Variants in ANKHD1 observed in about 807,000 individuals in gnomAD.
The protein encoded by ANKHD1 is ankyrin repeat and KH domain containing 1.
ANKHD1 carries 31 observed loss-of-function variants against 230.5 expected under a neutral mutation model. The observed-to-expected ratio is 0.13, with a 90% CI of 0.10 to 0.18. The LOEUF (loss-of-function observed/expected upper bound fraction) is 0.18. Among genes scored for constraint, ANKHD1 ranks in the 10% least tolerant of loss-of-function variants. The pLI, the probability that ANKHD1 is intolerant of heterozygous loss-of-function variation, is 1.00. For synonymous variants in ANKHD1, 1,074 were observed against 1,117.6 expected (o/e 0.96, Z 0.78); for missense variants, 2,256 against 3,071.3 (o/e 0.73, Z 6.27).
intron 1 of ANKHD1, among the ~76,000 whole-genome samples, chr5:140,430,094 C>T (rs548360012): frequency 1.8e-4 from 27 of 152,266 alleles, no homozygotes; most frequent in Middle Eastern, 6.8e-3. Flanking sequence ...AAGCTAAAAA[C>T]CACACTCCCA....
intron 10 of ANKHD1, among the ~76,000 whole-genome samples, chr5:140,471,989 G>A (rs1190731887): frequency 6.6e-6 from 1 of 151,972 alleles, no homozygotes; most frequent in Non-Finnish European, 1.5e-5. Flanking sequence ...AAATAATTCT[G>A]CAGAAATATT....
chr5:140,438,232 T>G (rs956725655), intron 2 of ANKHD1, among the ~76,000 whole-genome samples: 1 of 152,220 alleles, frequency 6.6e-6, no homozygotes, highest in Non-Finnish European at 1.5e-5. Flanking sequence ...ATTAATATTA[T>G]GTGCATTGTA....
intron 11 of ANKHD1, 46 bp downstream of exon 11, chr5:140,482,713 G>GA (rs751651402): frequency 2.8e-4 from 435 of 1,569,840 alleles, no homozygotes; most frequent in Middle Eastern, 1.0e-3. Context: ...ACAGTTTATG[G>GA]AAAAAAAAAT....
At chr5:140,517,941 A>T (rs1333232606) in intron 24 of ANKHD1, among the ~76,000 whole-genome samples, 7 of 151,600 alleles carry the variant, frequency 4.6e-5, no homozygotes, top group Non-Finnish European at 8.8e-5. Flanking sequence ...AACTAAAATC[A>T]GAGCAGAACT....
In ANKHD1 at chr5:140,440,206, A is replaced by G; in HGVS notation, c.705A>G (p.Thr235=). The change falls in exon 4 of 34, where the codon ACA becomes ACG. Residue 235 remains threonine, a synonymous_variant. Transcript: ENST00000360839. ...LDEGRSVNEH[T]EEGESLLCLA... ...AAGGCAGAAGTGTAAATGAACATAC[A>G]GAAGAAGGAGAAAGCCTGCTGTGTT... The G allele has an allele frequency of 1.1e-5, 17 of 1,613,700 alleles. No individual in the cohort carries two copies. Among genetic ancestry groups the G allele is most frequent in the Non-Finnish European group, 1.4e-5 (16 of 1,179,746 alleles).
chr5:140,539,647 A>AT lies in ANKHD1; in HGVS notation c.*229_*230insT, dbSNP rs780371703. On this transcript the variant is annotated 3_prime_UTR_variant, in exon 34 of 34. Coordinates refer to ENST00000360839, the MANE Select transcript of ANKHD1 (RefSeq NM_017747.3). The stretch of plus-strand genomic sequence containing the variant: ...ATATGACCTTAGTGCTTTTGGCTAA[A>AT]CATACAGAATACTACTTGTATGCAG... The AT allele has an allele frequency of 3.4e-4, 151 of 448,528 alleles. No individual in the cohort carries two copies. The highest frequency in any genetic ancestry group is 5.2e-4 in the Non-Finnish European group (133 of 254,564). 27.8% of individuals were successfully genotyped at this position (448,528 alleles called of 1,614,324 possible).
chr5:140,458,423 T>C (rs1210439156), intron 7 of ANKHD1, among the ~76,000 whole-genome samples: 1 of 152,172 alleles, frequency 6.6e-6, no homozygotes, highest in Admixed American at 6.6e-5. Flanking sequence ...TTAAAATAAT[T>C]TGAAAATTAC....
At chr5:140,451,211 A>G (rs1774710031) in intron 7 of ANKHD1, among the ~76,000 whole-genome samples, 1 of 152,182 alleles carries the variant, frequency 6.6e-6, no homozygotes, top group Admixed American at 6.6e-5. Flanking sequence ...AAATTCAAGT[A>G]AAACAATGTA....
chr5:140,527,385 T>A lies in ANKHD1; in HGVS notation c.5087+311T>A. On this transcript the variant is annotated intron_variant, in intron 27 of 33. Transcript: ENST00000360839. The surrounding 1 kb of genome is among the most constrained non-coding windows in gnomAD (Gnocchi z 4.5). ...AGTAATTCTAGAACTAAAGTACTAA[T>A]AATCAACTTTAGATTCAGAATACAT... is the stretch of plus-strand genomic sequence containing the variant. 3.8e-6 allele frequency: 1 copy of A among 264,140 alleles called. No homozygotes were observed. The highest frequency in any genetic ancestry group is 7.2e-6 in the Non-Finnish European group (1 of 138,960). The allele number at this position is 264,140 out of a possible 1,614,324, so 16.4% of individuals were successfully genotyped here.
intron 28 of ANKHD1, 38 bp from the exon 29 acceptor site, chr5:140,528,146 T>C (rs1386815998): frequency 1.9e-6 from 3 of 1,541,410 alleles, no homozygotes; most frequent in Non-Finnish European, 2.6e-6. Flanking sequence ...TTTTTTTTAA[T>C]GTTTTTGGTC....
At chr5:140,497,877 CCACACACACACACACACACACACACA>C (rs36224738) in intron 15 of ANKHD1, among the ~76,000 whole-genome samples, 1 of 144,516 alleles carries the variant, frequency 6.9e-6, no homozygotes, top group Non-Finnish European at 1.5e-5. Context: ...CCACACCACA[CCACACACACACACACACACACACACA>C]CACACACACA....
intron 25 of ANKHD1, chr5:140,524,870 G>A (rs958007397): frequency 1.5e-5 from 3 of 194,834 alleles, no homozygotes; most frequent in East Asian, 1.6e-4. Context: ...TTGGGAGGCC[G>A]AGAGCGGATC....
chr5:140,405,011 G>A (rs940181480), intron 1 of ANKHD1, among the ~76,000 whole-genome samples: 6 of 113,068 alleles, frequency 5.3e-5, no homozygotes, highest in African/African-American at 1.1e-4. Context: ...GTGTGTGTGT[G>A]TGTATGTGTA....
chr5:140,418,422 A>C (rs111998037), intron 1 of ANKHD1, among the ~76,000 whole-genome samples: 31,674 of 152,066 alleles, frequency 0.21, 3,841 homozygotes, highest in East Asian at 0.29. Flanking sequence ...TGTTGGGATT[A>C]CTGGTGTGAG....
In ANKHD1 at chr5:140,504,344, G is replaced by A. The variant is rs546508168; in HGVS notation, c.3005-477G>A. 1.2e-4 allele frequency among the ~76,000 whole-genome samples: 18 copies of A among 152,312 alleles called. No homozygotes were observed. The South Asian group carries it at 1.4e-3, about 12-fold the overall frequency. Reference sequence around the variant, plus strand: ...TGGGATTACAGGCGTGGGCCACTGCGCCCAGCCCCCTTTTTTTGAATTGTA... The same window carrying A: ...TGGGATTACAGGCGTGGGCCACTGCACCCAGCCCCCTTTTTTTGAATTGTA... On this transcript the variant is annotated intron_variant, in intron 15 of 33. Coordinates refer to ENST00000360839, the MANE Select transcript of ANKHD1 (RefSeq NM_017747.3).
In ANKHD1 at chr5:140,485,813, C is replaced by G. The variant is rs930162045; in HGVS notation, c.2142+81C>G. ...GTTTTTGTTTAAAATCAGTTTTAAG[C>G]AAAATGGACTTGTTTTTATTCTCTG... is the stretch of plus-strand genomic sequence containing the variant. On this transcript the variant is annotated intron_variant, in intron 13 of 33. Transcript: ENST00000360839. This position sits in a 1 kb window ranked among gnomAD's most constrained non-coding sequence, Gnocchi z 4.8. The G allele has an allele frequency of 1.3e-6, 2 of 1,557,054 alleles. No individual in the cohort carries two copies. The highest frequency in any genetic ancestry group is 2.8e-5 in the African/African-American group (2 of 71,806).
At position 140,496,983 on chromosome 5, in the gene ANKHD1, A is replaced by G. The variant is rs748586014; in HGVS notation, c.2709A>G (p.Leu903=). 6.2e-7 allele frequency: 1 copy of G among 1,614,196 alleles called. No individual in the cohort carries two copies. The highest frequency in any genetic ancestry group is 2.2e-5 in the East Asian group (1 of 44,880). Residue 903 remains leucine, a synonymous_variant, in exon 15 of 34, where the codon TTA becomes TTG. Coordinates refer to ENST00000360839, the MANE Select transcript of ANKHD1 (RefSeq NM_017747.3). ...FSELPQVDTI[L]FKDNDVDDEQ... ...AGTTACCTCAGGTTGACACAATCTT[A>G]TTTAAAGATAATGATGTTGATGATG...
At chr5:140,464,643 A>C in intron 9 of ANKHD1, 24 bp from the exon 10 acceptor site, 1 of 1,518,500 alleles carries the variant, frequency 6.6e-7, no homozygotes. Flanking sequence ...TCACAAAGTA[A>C]ATGTATGCTT....
Position 140,539,784 on chromosome 5 carries a change from C to T in ANKHD1, c.*366C>T, listed in dbSNP as rs1356188663. 2 of 174,698 alleles carry T rather than the reference C, an allele frequency of 1.1e-5. No individual in the cohort carries two copies. The highest frequency in any genetic ancestry group is 2.4e-5 in the Non-Finnish European group (2 of 81,984). 10.8% of individuals were successfully genotyped at this position (174,698 alleles called of 1,614,324 possible). Reference sequence around the variant, plus strand: ...GTAAATTTCTTGTCATATAGTGGCTCTACGTAATGTAGCCTGTATTAATGT... The same window carrying T: ...GTAAATTTCTTGTCATATAGTGGCTTTACGTAATGTAGCCTGTATTAATGT... On this transcript the variant is annotated 3_prime_UTR_variant, in exon 34 of 34. Coordinates refer to ENST00000360839, the MANE Select transcript of ANKHD1 (RefSeq NM_017747.3).
Sources: allele counts gnomAD v4.1 joint callset (sites outside exome capture counted in the v4.1 genomes callset), GRCh38; gene constraint gnomAD v4.1.1; non-coding constraint Gnocchi (gnomAD v3.1); transcripts MANE v1.5; gene names NCBI Gene and HGNC (gene_info 2026-07-23, HGNC 2026-07-21).